The following CALN1 variants were observed in gnomAD, a reference collection of about 807,000 sequenced individuals.
CALN1 encodes calcium-binding protein 8.
Under a neutral mutation model 30.6 loss-of-function variants are expected in CALN1, and 17 were observed. The ratio of observed to expected loss-of-function variants is 0.56; its 90% CI spans 0.38 to 0.83. The LOEUF is 0.83. CALN1 is among the 40% of genes least tolerant of loss of function. CALN1 has a pLI of 0.00. For synonymous variants in CALN1, 156 were observed against 131.4 expected (o/e 1.19, Z -1.28); for missense variants, 291 against 354.9 (o/e 0.82, Z 1.45).
At chr7:72,314,906 G>C (rs1177009071) in intron 2 of CALN1, among the ~76,000 whole-genome samples, 3 of 150,442 alleles carry the variant, frequency 2.0e-5, no homozygotes, top group Non-Finnish European at 4.4e-5. Context: ...CCAGCACTTT[G>C]GGAGGCCAAG....
At chr7:72,410,222 G>A (rs1021504299) in intron 1 of CALN1, among the ~76,000 whole-genome samples, 1 of 152,142 alleles carries the variant, frequency 6.6e-6, no homozygotes, top group Non-Finnish European at 1.5e-5. Context: ...ATGTAAGAGA[G>A]GTTGTCAAAT....
chr7:72,284,538 G>A (rs1490599418), intron 2 of CALN1, among the ~76,000 whole-genome samples: 1 of 152,138 alleles, frequency 6.6e-6, no homozygotes, highest in East Asian at 1.9e-4. Flanking sequence ...ATCCAACAGT[G>A]AATAGAATGA....
intron 5 of CALN1, among the ~76,000 whole-genome samples, chr7:71,922,828 T>C (rs974637592): frequency 5.0e-5 from 7 of 139,128 alleles, no homozygotes; most frequent in Non-Finnish European, 1.1e-4. Flanking sequence ...ATATACAGAA[T>C]ATATATAAAT....
rs146248729 is a variant in CALN1, at chr7:72,132,864, C to T, written c.245-26570G>A. The stretch of plus-strand genomic sequence containing the variant: ...TTTCGGTCTGTAGCCTGTTAGGAAC[C>T]GGGCTGCAGAGCAGGAGGTGAGCAG... On this transcript the variant is annotated intron_variant, in intron 3 of 6. Coordinates refer to ENST00000395275, the MANE Select transcript of CALN1 (RefSeq NM_031468.4). Among the ~76,000 whole-genome samples, 22 of 152,212 alleles carry T rather than the reference C, an allele frequency of 1.4e-4. No homozygotes were observed. The East Asian group carries it at 3.5e-3, about 24-fold the overall frequency.
intron 5 of CALN1, among the ~76,000 whole-genome samples, chr7:71,911,287 T>TTA (rs552673955): frequency 3.9e-5 from 6 of 152,178 alleles, no homozygotes; most frequent in Non-Finnish European, 7.3e-5. Context: ...CACGGATTGC[T>TTA]TATATTTTAC....
intron 3 of CALN1, among the ~76,000 whole-genome samples, chr7:72,115,012 A>G (rs1408513805): frequency 6.6e-6 from 1 of 151,816 alleles, no homozygotes; most frequent in Non-Finnish European, 1.5e-5. Context: ...ACAGGAGCTC[A>G]GAAGTGTTCC....
intron 3 of CALN1, among the ~76,000 whole-genome samples, chr7:72,147,391 A>G (rs1786840746): frequency 6.6e-6 from 1 of 151,686 alleles, no homozygotes; most frequent in African/African-American, 2.4e-5. Flanking sequence ...GCCATCAGAG[A>G]AATGCAAATC....
At chr7:72,270,419 GAAAT>G (rs1407951507) in intron 3 of CALN1, among the ~76,000 whole-genome samples, 1 of 151,966 alleles carries the variant, frequency 6.6e-6, no homozygotes, top group East Asian at 1.9e-4. Flanking sequence ...TAAGACTAAA[GAAAT>G]ATTTTTTAAA....
intron 3 of CALN1, among the ~76,000 whole-genome samples, chr7:72,158,284 CT>C (rs1413138544): frequency 6.6e-6 from 1 of 152,182 alleles, no homozygotes; most frequent in Non-Finnish European, 1.5e-5. Context: ...AAACATCCCC[CT>C]GGCAGCAGCA....
intron 3 of CALN1, among the ~76,000 whole-genome samples, chr7:72,148,366 G>A (rs927209087): frequency 3.3e-5 from 5 of 149,534 alleles, no homozygotes; most frequent in African/African-American, 9.9e-5. Flanking sequence ...CCAGGAATTC[G>A]AGGCCAGCCT....
chr7:72,330,157 G>A (rs1201356107), intron 2 of CALN1, among the ~76,000 whole-genome samples: 1 of 151,932 alleles, frequency 6.6e-6, no homozygotes, highest in Non-Finnish European at 1.5e-5. Flanking sequence ...TCTGGGCGTG[G>A]TGGCGGGCGC....
intron 5 of CALN1, among the ~76,000 whole-genome samples, chr7:72,007,013 A>G (rs938356437): frequency 6.6e-6 from 1 of 152,180 alleles, no homozygotes; most frequent in Non-Finnish European, 1.5e-5. Flanking sequence ...ACATGAAATC[A>G]TATCCAAACT....
chr7:72,369,976 T>A (rs567469996), intron 2 of CALN1, among the ~76,000 whole-genome samples: 1 of 152,334 alleles, frequency 6.6e-6, no homozygotes, highest in South Asian at 2.1e-4. Flanking sequence ...TTATTTTGGT[T>A]AAATACCTAG....
intron 3 of CALN1, among the ~76,000 whole-genome samples, chr7:72,223,202 G>A (rs1197453153): frequency 6.6e-6 from 1 of 152,006 alleles, no homozygotes; most frequent in East Asian, 1.9e-4. Flanking sequence ...GGAGAAGAGG[G>A]GTTCCCATTC....
chr7:71,901,660 A>G (rs971491044), intron 5 of CALN1, among the ~76,000 whole-genome samples: 4 of 152,176 alleles, frequency 2.6e-5, no homozygotes, highest in African/African-American at 9.6e-5. Flanking sequence ...ACAAAAACAT[A>G]TACTGGGGAA....
At chr7:72,167,227 C>A (rs1293299675) in intron 3 of CALN1, among the ~76,000 whole-genome samples, 1 of 152,126 alleles carries the variant, frequency 6.6e-6, no homozygotes, top group Non-Finnish European at 1.5e-5. Context: ...AGAAACAATA[C>A]CAGTAGGCAT....
At position 71,787,177 on chromosome 7, in the gene CALN1, CG is replaced by C. The variant is rs1793025638; in HGVS notation, c.*597del. 1 of 136,316 alleles carries C rather than the reference CG, an allele frequency of 7.3e-6. No individual in the cohort carries two copies. Among genetic ancestry groups the C allele is most frequent in the African/African-American group, 2.8e-5 (1 of 35,318 alleles). The allele number at this position is 136,316 out of a possible 1,614,324, so 8.4% of individuals were successfully genotyped here. On this transcript the variant is annotated 3_prime_UTR_variant, in exon 7 of 7. Transcript: ENST00000395275. ...CTAGAAAAGGCAGTAAGAACGGAAG[CG>C]GTGAGGGGTGCAGCTGAAGACCGCC...
At chr7:71,808,922 C>T (rs540680294) in intron 6 of CALN1, among the ~76,000 whole-genome samples, 3 of 152,206 alleles carry the variant, frequency 2.0e-5, no homozygotes, top group Admixed American at 6.5e-5. Context: ...CCCTCCTCAC[C>T]CTCGCATGTC....
rs1362901327 is a variant in CALN1 at position 71,782,816 on chromosome 7, C to T, written c.*4959G>A. 2.0e-5 allele frequency: 3 copies of T among 152,188 alleles called. No individual in the cohort carries two copies. Among genetic ancestry groups the T allele is most frequent in the Admixed American group, 6.5e-5 (1 of 15,276 alleles). 9.4% of individuals were successfully genotyped at this position (152,188 alleles called of 1,614,324 possible). A position where few individuals can be genotyped will look rare whatever the true frequency, so the allele number is the denominator to read the frequency against. On this transcript the variant is annotated 3_prime_UTR_variant, in exon 7 of 7. Transcript: ENST00000395275. Reference sequence around the variant, plus strand: ...GGAGTGCAGTGGCGCGATCTCAGCTCACTGCAGCCTCCGCCTCCAGGGTTC... The same window carrying T: ...GGAGTGCAGTGGCGCGATCTCAGCTTACTGCAGCCTCCGCCTCCAGGGTTC...
Sources: allele counts gnomAD v4.1 joint callset (sites outside exome capture counted in the v4.1 genomes callset), GRCh38; gene constraint gnomAD v4.1.1; transcripts MANE v1.5; gene names NCBI Gene and HGNC (gene_info 2026-07-23, HGNC 2026-07-21).